The following EYA4 variants were observed in gnomAD, a reference collection of about 807,000 sequenced individuals.
EYA4 encodes EYA transcriptional coactivator and phosphatase 4, also known as protein phosphatase EYA4.
EYA4 carries 31 observed loss-of-function variants against 87.9 expected under a neutral mutation model. The ratio of observed to expected loss-of-function variants is 0.35; its 90% CI spans 0.27 to 0.48. The LOEUF is 0.48. Ranked by LOEUF, EYA4 falls within the 20% of genes least tolerant of loss-of-function variation. The probability of loss-of-function intolerance (pLI) is 0.99; values close to 1 mark genes in which losing one functional copy is unlikely to be tolerated. For synonymous variants in EYA4, 263 were observed against 270.6 expected (o/e 0.97, Z 0.28); for missense variants, 678 against 761.4 (o/e 0.89, Z 1.29).
chr6:133,345,584 T>C (rs939613273), intron 2 of EYA4, among the ~76,000 whole-genome samples: 2 of 152,180 alleles, frequency 1.3e-5, no homozygotes, highest in African/African-American at 4.8e-5. Context: ...AGAGAGTACA[T>C]TCAACAGCAT....
intron 2 of EYA4, among the ~76,000 whole-genome samples, chr6:133,351,090 C>CT (rs74484895): frequency 0.18 from 26,767 of 151,976 alleles, 2,496 homozygotes; most frequent in East Asian, 0.35. Context: ...AGTGTTAAAC[C>CT]TGTTTGAGAA....
In EYA4 at chr6:133,407,043, C is replaced by G. The variant is rs915330508; in HGVS notation, c.83+24602C>G. On this transcript the variant is annotated intron_variant, in intron 3 of 19. Coordinates refer to ENST00000355286, the MANE Select transcript of EYA4 (RefSeq NM_004100.5). ...TTTACATAGAGCTGGTATGACATAT[C>G]TCAGTGTAATACATAATATATTACT... 1.3e-4 allele frequency among the ~76,000 whole-genome samples: 20 copies of G among 152,034 alleles called. 1 individual carries two copies. The highest frequency in any genetic ancestry group is 1.5e-5 in the Non-Finnish European group (1 of 68,010).
chr6:133,263,636 G>A (rs1302570068), intron 1 of EYA4, among the ~76,000 whole-genome samples: 1 of 152,198 alleles, frequency 6.6e-6, no homozygotes, highest in Non-Finnish European at 1.5e-5. Context: ...TGCATCTGTG[G>A]GAGGGAGATA....
Position 133,528,897 on chromosome 6 carries a change from T to A in EYA4, c.*92T>A. ...ATGCCTCTGGCTCTACACATATAAATTGTCTTAATGGATGAAATCATATTT... is the reference window on the plus strand; with the variant it reads ...ATGCCTCTGGCTCTACACATATAAAATGTCTTAATGGATGAAATCATATTT... On this transcript the variant is annotated 3_prime_UTR_variant, in exon 20 of 20. Transcript: ENST00000355286. 6.2e-7 allele frequency: 1 copy of A among 1,605,456 alleles called. No homozygotes were observed. Among genetic ancestry groups the A allele is most frequent in the Non-Finnish European group, 8.5e-7 (1 of 1,175,100 alleles).
chr6:133,431,977 T>G (rs1791225150), intron 3 of EYA4, among the ~76,000 whole-genome samples: 1 of 151,956 alleles, frequency 6.6e-6, no homozygotes, highest in Non-Finnish European at 1.5e-5. Context: ...CAATATCTTT[T>G]TCATGAGGGC....
chr6:133,508,343 T>TTA (rs77895525), intron 14 of EYA4, among the ~76,000 whole-genome samples: 30,142 of 151,468 alleles, frequency 0.2, 3,632 homozygotes, highest in African/African-American at 0.33. Flanking sequence ...CAGAATGATT[T>TTA]TATATATATA....
rs146127442 is a variant in EYA4 at position 133,511,929 on chromosome 6, C to T, written c.1282-792C>T. ...CCAGGAGGCAGAGCTTGCAGTGAGCCGAGATCGCGCCACTGCACTCCAACC... is the reference window on the plus strand; with the variant it reads ...CCAGGAGGCAGAGCTTGCAGTGAGCTGAGATCGCGCCACTGCACTCCAACC... On this transcript the variant is annotated intron_variant, in intron 14 of 19. Transcript: ENST00000355286. Among the ~76,000 whole-genome samples the T allele has an allele frequency of 2.6e-4, 40 of 151,406 alleles. No individual in the cohort carries two copies. The East Asian group carries it at 6.8e-3, about 26-fold the overall frequency.
Position 133,523,139 on chromosome 6 carries a change from C to G in EYA4, c.1700C>G (p.Ala567Gly). 6.2e-7 allele frequency: 1 copy of G among 1,612,124 alleles called. No homozygotes were observed. The highest frequency in any genetic ancestry group is 1.1e-5 in the South Asian group (1 of 91,044). The change falls in exon 18 of 20, where the codon GCT (alanine) becomes GGT (glycine). Residue 567 changes from alanine to glycine, a missense_variant. Ala to Gly is a moderately conservative substitution (Grantham distance 60). Transcript: ENST00000355286. Reference protein sequence around the residue: ...AKVLLYSLGGAFPIENIYSAT... With the variant: ...AKVLLYSLGGGFPIENIYSAT... Reference sequence around the variant, plus strand: ...GTTCTACTCTATAGTTTAGGAGGTGCTTTCCCCATTGAGAATATTTACAGT... The same window carrying G: ...GTTCTACTCTATAGTTTAGGAGGTGGTTTCCCCATTGAGAATATTTACAGT...
intron 3 of EYA4, among the ~76,000 whole-genome samples, chr6:133,390,147 T>A (rs1359456642): frequency 2.6e-5 from 4 of 152,224 alleles, no homozygotes; most frequent in Non-Finnish European, 4.4e-5. Flanking sequence ...ATATACTTTT[T>A]GTGCCTAATT....
chr6:133,396,731 T>C (rs554491782), intron 3 of EYA4, among the ~76,000 whole-genome samples: 4 of 152,310 alleles, frequency 2.6e-5, no homozygotes, highest in Admixed American at 2.6e-4. Flanking sequence ...TCTGTGTGTA[T>C]ATGTGCATGC....
At chr6:133,357,335 C>T (rs1398521734) in intron 2 of EYA4, among the ~76,000 whole-genome samples, 4 of 143,568 alleles carry the variant, frequency 2.8e-5, no homozygotes, top group African/African-American at 1.0e-4. Flanking sequence ...TATGCATAAA[C>T]TCTACCAGTT....
chr6:133,525,798 C>A, intron 19 of EYA4: 1 of 556,078 alleles, frequency 1.8e-6, no homozygotes, highest in Non-Finnish European at 2.3e-6. Flanking sequence ...ATGCTGAGGG[C>A]AGATTTAATA....
intron 11 of EYA4, among the ~76,000 whole-genome samples, chr6:133,469,068 A>G (rs1229640152): frequency 6.6e-6 from 1 of 152,018 alleles, no homozygotes; most frequent in African/African-American, 2.4e-5. Context: ...TGCTAAAGAG[A>G]CTGCATAAGC....
chr6:133,432,694 T>G (rs1422082219), intron 3 of EYA4, among the ~76,000 whole-genome samples: 1 of 152,178 alleles, frequency 6.6e-6, no homozygotes, highest in East Asian at 1.9e-4. Context: ...GTTCGTCTTT[T>G]TTTTTCAAGG....
chr6:133,348,249 T>C (rs1583024788), intron 2 of EYA4, among the ~76,000 whole-genome samples: 1 of 145,740 alleles, frequency 6.9e-6, no homozygotes. Flanking sequence ...TTCCTCCTCA[T>C]CTCTTCAAGT....
At chr6:133,290,855 C>T (rs1305378282) in intron 2 of EYA4, among the ~76,000 whole-genome samples, 1 of 152,132 alleles carries the variant, frequency 6.6e-6, no homozygotes, top group Non-Finnish European at 1.5e-5. Flanking sequence ...AATTTGAAAG[C>T]ATACTTTTGT....
chr6:133,382,246 T>G (rs751689348), intron 2 of EYA4, 146 bp from the exon 3 acceptor site: 8 of 725,650 alleles, frequency 1.1e-5, no homozygotes, highest in Non-Finnish European at 1.8e-5. Flanking sequence ...AATACACTAT[T>G]TAGTACTGTA....
chr6:133,522,169 GT>G (rs11301951), intron 17 of EYA4, among the ~76,000 whole-genome samples: 26,717 of 131,022 alleles, frequency 0.2, 2,826 homozygotes, highest in South Asian at 0.27. Context: ...TGGTAGAGTA[GT>G]TTTTTTTTTT....
In EYA4 at chr6:133,449,234, TAGAAAATA is replaced by T. The variant is rs1348395070; in HGVS notation, c.277+1056_277+1063del. Among the ~76,000 whole-genome samples the T allele has an allele frequency of 2.6e-5, 4 of 152,314 alleles. No individual in the cohort carries two copies. In the East Asian group the frequency reaches 7.7e-4, roughly 29 times the overall value. On this transcript the variant is annotated intron_variant, in intron 5 of 19. Transcript: ENST00000355286. ...CTGCCATCATAGTGCAAAAGCAACA[TAGAAAATA>T]TGTAAATGAATAAGCATGGCTATGG...
Sources: gnomAD v4.1 joint callset for allele counts (sites outside exome capture counted in the v4.1 genomes callset) on GRCh38, gnomAD v4.1.1 for gene constraint, MANE v1.5 for transcripts, NCBI Gene and HGNC (gene_info 2026-07-23, HGNC 2026-07-21) for gene names.